The following GIMAP8 variants were observed in gnomAD, a reference collection of about 807,000 sequenced individuals.
The protein encoded by GIMAP8 is GTPase, IMAP family member 8.
In GIMAP8, 29 loss-of-function variants were observed where a neutral mutation model predicts 35.6. That is an observed-to-expected ratio of 0.81 (90% CI 0.61 to 1.11). The LOEUF (loss-of-function observed/expected upper bound fraction) is 1.11, where lower values mean the gene tolerates loss of function less well. Ranked by LOEUF, GIMAP8 falls within the 50% of genes most tolerant of loss-of-function variation. The probability of loss-of-function intolerance (pLI) is 0.00; values close to 1 mark genes in which losing one functional copy is unlikely to be tolerated. For synonymous variants in GIMAP8, 335 were observed against 308.7 expected (o/e 1.09, Z -0.89); for missense variants, 811 against 805.0 (o/e 1.01, Z -0.09).
In GIMAP8 at chr7:150,470,987, G is replaced by T. The variant is rs962469888; in HGVS notation, c.682+113G>T. 7.5e-6 allele frequency: 6 copies of T among 800,976 alleles called. No individual in the cohort carries two copies. In the African/African-American group the frequency reaches 1.0e-4, roughly 14 times the overall value. The allele number at this position is 800,976 out of a possible 1,614,324, so 49.6% of individuals were successfully genotyped here. On this transcript the variant is annotated intron_variant, in intron 3 of 4. Transcript: ENST00000307271. ...TATAAACCAGAAAATTCACCCTGGG[G>T]ACCTAGCTGAGGTTGGTTCCCACAA...
intron 1 of GIMAP8, among the ~76,000 whole-genome samples, chr7:150,458,809 A>C (rs1052104810): frequency 1.2e-4 from 18 of 152,238 alleles, no homozygotes; most frequent in African/African-American, 4.3e-4. Context: ...TAAATATTAT[A>C]ATATAAAATC....
chr7:150,454,280 G>T (rs958970765), intron 1 of GIMAP8, among the ~76,000 whole-genome samples: 4 of 152,120 alleles, frequency 2.6e-5, no homozygotes, highest in Non-Finnish European at 5.9e-5. Context: ...GGGAGGTTTA[G>T]AATGAAGCGT....
rs755205418 is a variant in GIMAP8 at position 150,474,198 on chromosome 7, G to A, written c.869G>A (p.Ser290Asn). Residue 290 changes from serine (S) to asparagine (N), a missense_variant, in exon 4 of 5, where the codon AGC (serine) becomes AAC (asparagine). Ser to Asn is a conservative substitution (Grantham distance 46, BLOSUM62 1). Transcript: ENST00000307271. ...GTAACCCAGAGCTTCTTGTCTGAGA[G>A]CAGAAGCTGGAGAAAAAAGAAAGTT... Reference protein sequence around the residue: ...QSVTQSFLSESRSWRKKKVSI... With the variant: ...QSVTQSFLSENRSWRKKKVSI... 1.2e-6 allele frequency: 2 copies of A among 1,613,924 alleles called. No individual in the cohort carries two copies. The highest frequency in any genetic ancestry group is 2.7e-5 in the African/African-American group (2 of 74,914).
chr7:150,466,969 G>A lies in GIMAP8; in HGVS notation c.271G>A (p.Ala91Thr). 2 of 1,614,212 alleles carry A rather than the reference G, an allele frequency of 1.2e-6. No individual in the cohort carries two copies. The highest frequency in any genetic ancestry group is 1.7e-6 in the Non-Finnish European group (2 of 1,180,042). The change falls in exon 2 of 5, where the codon GCT becomes ACT. Residue 91 changes from alanine to threonine, a missense_variant. Ala to Thr is a moderately conservative substitution (Grantham distance 58). Transcript: ENST00000307271. The stretch of plus-strand genomic sequence containing the variant: ...CATCCAACACTGCTTGGAGCTCTCT[G>A]CTCCCAGCCTCCATGCTCTGCTCTT... Reference protein sequence around the residue: ...RNIQHCLELSAPSLHALLLVI... With the variant: ...RNIQHCLELSTPSLHALLLVI...
At chr7:150,469,940 A>G (rs1461353274) in intron 2 of GIMAP8, among the ~76,000 whole-genome samples, 9 of 152,260 alleles carry the variant, frequency 5.9e-5, no homozygotes, top group Admixed American at 5.9e-4. Context: ...AGATTGTAGA[A>G]CAAATAATAA....
Position 150,472,558 on chromosome 7 carries a change from G to C in GIMAP8, c.683-1454G>C, listed in dbSNP as rs1184716503. Among the ~76,000 whole-genome samples, 2 of 152,184 alleles carry C rather than the reference G, an allele frequency of 1.3e-5. No individual in the cohort carries two copies. Among genetic ancestry groups the C allele is most frequent in the Non-Finnish European group, 2.9e-5 (2 of 68,026 alleles). On this transcript the variant is annotated intron_variant, in intron 3 of 4. Transcript: ENST00000307271. The surrounding 1 kb of genome is among the most constrained non-coding windows in gnomAD (Gnocchi z 4.1). ...CCAGACCAGCTCCTGGCTCTCAAGG[G>C]CTATTTATTATCCCTTCTCACTCCT...
At chr7:150,471,866 T>C (rs1301652237) in intron 3 of GIMAP8, among the ~76,000 whole-genome samples, 1 of 152,040 alleles carries the variant, frequency 6.6e-6, no homozygotes, top group Non-Finnish European at 1.5e-5. Context: ...GCTGACATTA[T>C]GTCCTGGGAA....
intron 2 of GIMAP8, 48 bp downstream of exon 2, chr7:150,467,382 G>A: frequency 6.7e-7 from 1 of 1,492,346 alleles, no homozygotes; most frequent in Non-Finnish European, 9.2e-7. Context: ...TGCTGAACTA[G>A]TGGGATGAAA....
At position 150,478,880 on chromosome 7, in the gene GIMAP8, T is replaced by C. The variant is rs1006134862; in HGVS notation, c.*1100T>C. The C allele has an allele frequency of 2.0e-5, 3 of 152,228 alleles. No homozygotes were observed. The highest frequency in any genetic ancestry group is 7.2e-5 in the African/African-American group (3 of 41,454). 9.4% of individuals were successfully genotyped at this position (152,228 alleles called of 1,614,324 possible). A position where few individuals can be genotyped will look rare whatever the true frequency, so the allele number is the denominator to read the frequency against. ...AGATTATTTTGAGAGGTGGGTGATA[T>C]GTGAGAGAGAAATCTGGAACCTTCT... On this transcript the variant is annotated 3_prime_UTR_variant, in exon 5 of 5. Coordinates refer to ENST00000307271, the MANE Select transcript of GIMAP8 (RefSeq NM_175571.4).
At chr7:150,453,980 G>A (rs762590448) in intron 1 of GIMAP8, among the ~76,000 whole-genome samples, 52 of 152,062 alleles carry the variant, frequency 3.4e-4, no homozygotes, top group African/African-American at 1.0e-3. Flanking sequence ...CTTTAATAGC[G>A]GGTGGAGGCT....
At chr7:150,475,319 A>G (rs960382028) in intron 4 of GIMAP8, among the ~76,000 whole-genome samples, 3 of 152,256 alleles carry the variant, frequency 2.0e-5, no homozygotes, top group Non-Finnish European at 2.9e-5. Flanking sequence ...AGAAAAATAA[A>G]GGAAGGATAG....
chr7:150,474,703 A>C lies in GIMAP8; in HGVS notation c.1309+65A>C, dbSNP rs1358747691. On this transcript the variant is annotated intron_variant, in intron 4 of 4. Coordinates refer to ENST00000307271, the MANE Select transcript of GIMAP8 (RefSeq NM_175571.4). ...TTTAAAAATAGGTATAAAATATATA[A>C]GAACTTTTTATTTTCTTTTTTTTCT... 283 of 1,040,438 alleles carry C rather than the reference A, an allele frequency of 2.7e-4. 2 individuals carry two copies. Among genetic ancestry groups the C allele is most frequent in the Non-Finnish European group, 3.5e-5 (27 of 765,696 alleles). The allele number at this position is 1,040,438 out of a possible 1,614,324, so 64.5% of individuals were successfully genotyped here.
intron 1 of GIMAP8, among the ~76,000 whole-genome samples, chr7:150,462,150 C>G (rs763788459): frequency 2.0e-5 from 3 of 152,042 alleles, no homozygotes; most frequent in Admixed American, 1.3e-4. Context: ...GGGGAGATAA[C>G]AAAGTACATT....
chr7:150,457,465 T>C (rs1801754019), intron 1 of GIMAP8, among the ~76,000 whole-genome samples: 2 of 152,082 alleles, frequency 1.3e-5, no homozygotes, highest in South Asian at 4.1e-4. Flanking sequence ...AAAGAAAGGG[T>C]TGATAAGAGT....
chr7:150,452,709 T>TAC lies in GIMAP8; in HGVS notation c.-29+1536_-29+1537dup, dbSNP rs1554492403. 1.7e-3 allele frequency among the ~76,000 whole-genome samples: 178 copies of TAC among 106,504 alleles called. 6 individuals are homozygous for TAC. Among genetic ancestry groups the TAC allele is most frequent in the East Asian group, 7.7e-3 (19 of 2,472 alleles). The allele number at this position is 106,504 out of a possible 152,430, so 69.9% of individuals were successfully genotyped here. On this transcript the variant is annotated intron_variant, in intron 1 of 4. Coordinates refer to ENST00000307271, the MANE Select transcript of GIMAP8 (RefSeq NM_175571.4). The stretch of plus-strand genomic sequence containing the variant: ...ATATATATATATATATATATATATA[T>TAC]ACATGCGAGTGGAACTACAGGCACC...
chr7:150,452,615 ATGTATATATG>A (rs1299992896), intron 1 of GIMAP8, among the ~76,000 whole-genome samples: 9 of 145,808 alleles, frequency 6.2e-5, no homozygotes, highest in African/African-American at 2.0e-4. Context: ...GTATGTATAT[ATGTATATATG>A]TGTATATATG....
chr7:150,465,334 T>C (rs1317704479), intron 1 of GIMAP8, among the ~76,000 whole-genome samples: 1 of 152,130 alleles, frequency 6.6e-6, no homozygotes, highest in African/African-American at 2.4e-5. Context: ...TCTTGGAAAC[T>C]AAGTTTTTAA....
In GIMAP8 at chr7:150,474,247, C is replaced by T. The variant is rs1281896703; in HGVS notation, c.918C>T (p.Ile306=). The change falls in exon 4 of 5, where the codon ATC becomes ATT. Residue 306 remains isoleucine, a synonymous_variant. Transcript: ENST00000307271. ...TTTCGATCATTGATGCTCCGGACATCTCATCTTTAAAGAACATTGACTCAG... is the reference window on the plus strand; with the variant it reads ...TTTCGATCATTGATGCTCCGGACATTTCATCTTTAAAGAACATTGACTCAG... The part of the protein sequence containing the change: ...KKVSIIDAPD[I]SSLKNIDSEV... The T allele has an allele frequency of 1.2e-6, 2 of 1,614,186 alleles. No homozygotes were observed.
intron 3 of GIMAP8, among the ~76,000 whole-genome samples, chr7:150,473,389 C>T (rs1802138530): frequency 6.6e-6 from 1 of 151,620 alleles, no homozygotes. Context: ...AGATATAGAG[C>T]ATTTCCATCA....
Sources: allele counts gnomAD v4.1 joint callset (sites outside exome capture counted in the v4.1 genomes callset), GRCh38; gene constraint gnomAD v4.1.1; non-coding constraint Gnocchi (gnomAD v3.1); transcripts MANE v1.5; gene names NCBI Gene and HGNC (gene_info 2026-07-23, HGNC 2026-07-21).